The following RASGRF2 variants were observed in gnomAD, a reference collection of about 807,000 sequenced individuals.
The protein encoded by RASGRF2 is ras-specific guanine nucleotide-releasing factor 2.
In RASGRF2, 76 loss-of-function variants were observed where a neutral mutation model predicts 151.0. The observed-to-expected ratio is 0.50, with a 90% CI of 0.42 to 0.61. The LOEUF (loss-of-function observed/expected upper bound fraction) is 0.61, where lower values mean the gene tolerates loss of function less well. Among genes scored for constraint, RASGRF2 ranks in the 20% least tolerant of loss-of-function variants. The pLI is 0.00. For synonymous variants in RASGRF2, 504 were observed against 566.5 expected (o/e 0.89, Z 1.57); for missense variants, 1,148 against 1,564.6 (o/e 0.73, Z 4.49).
At chr5:81,035,790 T>C (rs1223083883) in intron 1 of RASGRF2, among the ~76,000 whole-genome samples, 4 of 152,100 alleles carry the variant, frequency 2.6e-5, no homozygotes, top group African/African-American at 9.7e-5. Flanking sequence ...GACAGTGGAT[T>C]GAAAGATTCA....
chr5:81,035,836 T>A (rs1750471145), intron 1 of RASGRF2, among the ~76,000 whole-genome samples: 1 of 152,010 alleles, frequency 6.6e-6, no homozygotes, highest in Non-Finnish European at 1.5e-5. Flanking sequence ...AAAGAGAGAA[T>A]AGGGGGCATG....
chr5:81,003,324 G>A (rs1187479035), intron 1 of RASGRF2, among the ~76,000 whole-genome samples: 2 of 147,674 alleles, frequency 1.4e-5, no homozygotes, highest in African/African-American at 2.5e-5. Flanking sequence ...CCGGGTTCAC[G>A]CCATTGTCCT....
chr5:81,135,106 A>C (rs768375453), intron 17 of RASGRF2, among the ~76,000 whole-genome samples: 99 of 151,860 alleles, frequency 6.5e-4, no homozygotes, highest in Admixed American at 2.4e-3. Flanking sequence ...CAGGAGTTCA[A>C]GACCAACCTG....
chr5:81,143,153 A>T (rs1225582623), intron 17 of RASGRF2, among the ~76,000 whole-genome samples: 1 of 151,926 alleles, frequency 6.6e-6, no homozygotes, highest in African/African-American at 2.4e-5. Flanking sequence ...TTTATTTTTT[A>T]TTTTTATTTT....
intron 15 of RASGRF2, among the ~76,000 whole-genome samples, chr5:81,123,283 C>G (rs1363705819): frequency 6.6e-6 from 1 of 152,086 alleles, no homozygotes; most frequent in Non-Finnish European, 1.5e-5. Flanking sequence ...GATTTGTAAT[C>G]CCAATCTGAT....
intron 2 of RASGRF2, among the ~76,000 whole-genome samples, chr5:81,048,034 TC>T (rs1561576749): frequency 1.3e-5 from 2 of 152,250 alleles, no homozygotes; most frequent in Admixed American, 6.5e-5. Flanking sequence ...TATCATATCC[TC>T]CCCTTAAAAT....
chr5:81,175,620 G>C (rs1754756588), intron 17 of RASGRF2, among the ~76,000 whole-genome samples: 1 of 152,040 alleles, frequency 6.6e-6, no homozygotes, highest in South Asian at 2.1e-4. Context: ...GCTGGGCATG[G>C]TGGCGCCTGC....
intron 1 of RASGRF2, among the ~76,000 whole-genome samples, chr5:80,968,346 C>T (rs2112210293): frequency 7.1e-6 from 1 of 140,508 alleles, no homozygotes; most frequent in African/African-American, 2.9e-5. Context: ...TTATCTGTCT[C>T]CATGTGTACA....
At chr5:81,111,955 A>G (rs1753007205) in intron 13 of RASGRF2, among the ~76,000 whole-genome samples, 1 of 152,142 alleles carries the variant, frequency 6.6e-6, no homozygotes, top group Non-Finnish European at 1.5e-5. Flanking sequence ...CACTTTTGAT[A>G]TTTTGCTTTA....
At chr5:81,053,832 A>G (rs1751103780) in intron 2 of RASGRF2, among the ~76,000 whole-genome samples, 2 of 152,136 alleles carry the variant, frequency 1.3e-5, no homozygotes, top group African/African-American at 4.8e-5. Context: ...CTGGTGTGAG[A>G]TGGTATCTCA....
At position 81,009,181 on chromosome 5, in the gene RASGRF2, G is replaced by T. The variant is rs577111857; in HGVS notation, c.289-33696G>T. On this transcript the variant is annotated intron_variant, in intron 1 of 26. Coordinates refer to ENST00000265080, the MANE Select transcript of RASGRF2 (RefSeq NM_006909.3). ...GGAATAAATTATGGGCTCATGACGA[G>T]AACTCGATGAGAAAATGCAGGATGG... Among the ~76,000 whole-genome samples the T allele has an allele frequency of 3.0e-4, 45 of 152,314 alleles. No individual in the cohort carries two copies. The South Asian group carries it at 9.3e-3, about 32-fold the overall frequency.
chr5:81,032,780 T>C (rs942231870), intron 1 of RASGRF2, among the ~76,000 whole-genome samples: 53 of 152,084 alleles, frequency 3.5e-4, no homozygotes, highest in African/African-American at 1.2e-3. Context: ...CAACATAGTG[T>C]TGGAAGTTCT....
At chr5:81,145,212 A>C (rs1294498180) in intron 17 of RASGRF2, among the ~76,000 whole-genome samples, 2 of 152,120 alleles carry the variant, frequency 1.3e-5, no homozygotes, top group Non-Finnish European at 2.9e-5. Flanking sequence ...CTGGGCAACA[A>C]GAGTGAAACT....
At chr5:80,984,654 C>A in intron 1 of RASGRF2, among the ~76,000 whole-genome samples, 1 of 152,164 alleles carries the variant, frequency 6.6e-6, no homozygotes, top group East Asian at 1.9e-4. Flanking sequence ...GATCCAGCAA[C>A]TCTACTTCTA....
At chr5:81,191,117 T>G (rs1755145921) in intron 18 of RASGRF2, among the ~76,000 whole-genome samples, 1 of 152,168 alleles carries the variant, frequency 6.6e-6, no homozygotes, top group Non-Finnish European at 1.5e-5. Context: ...CCTTGTTTGA[T>G]CCGACCAGGC....
chr5:81,033,387 A>T (rs1349125956), intron 1 of RASGRF2, among the ~76,000 whole-genome samples: 1 of 139,394 alleles, frequency 7.2e-6, no homozygotes, highest in Non-Finnish European at 1.6e-5. Flanking sequence ...ACGCTACCTG[A>T]CTTCAAACTA....
At chr5:81,050,592 A>G (rs536144830) in intron 2 of RASGRF2, among the ~76,000 whole-genome samples, 150 of 152,068 alleles carry the variant, frequency 9.9e-4, no homozygotes, top group African/African-American at 3.5e-3. Context: ...TGGAGCCACC[A>G]CATACAGGAA....
chr5:81,134,031 G>A (rs947376083), intron 17 of RASGRF2, among the ~76,000 whole-genome samples: 7 of 151,400 alleles, frequency 4.6e-5, no homozygotes, highest in African/African-American at 1.7e-4. Context: ...AATTTTTTAA[G>A]TTCCCCAGGT....
At chr5:81,219,662 T>G (rs1285020366) in intron 25 of RASGRF2, 48 bp from the exon 26 acceptor site, 3 of 1,486,400 alleles carry the variant, frequency 2.0e-6, no homozygotes, top group East Asian at 2.3e-5. Flanking sequence ...GGAAATACCT[T>G]TCTTTGCTTT....
Sources: allele counts gnomAD v4.1 joint callset (sites outside exome capture counted in the v4.1 genomes callset), GRCh38; gene constraint gnomAD v4.1.1; transcripts MANE v1.5; gene names NCBI Gene and HGNC (gene_info 2026-07-23, HGNC 2026-07-21).